The following ROBO1 variants were observed in gnomAD, a reference collection of about 807,000 sequenced individuals.
ROBO1 encodes roundabout guidance receptor 1, also known as roundabout homolog 1.
A neutral mutation model predicts 195.9 loss-of-function variants in ROBO1; 149 were observed. The ratio of observed to expected loss-of-function variants is 0.76; its 90% confidence interval spans 0.67 to 0.87. The LOEUF (loss-of-function observed/expected upper bound fraction) is 0.87. Ranked by LOEUF, ROBO1 falls within the 40% of genes least tolerant of loss-of-function variation. The pLI is 0.00. For synonymous variants in ROBO1, 816 were observed against 733.2 expected, an observed-to-expected ratio of 1.11 and a Z score of -1.82; for missense variants, 1,933 against 2,068.3, an observed-to-expected ratio of 0.93 and a Z score of 1.27.
chr3:78,847,984 CCTT>C (rs2033780567), intron 4 of ROBO1, among the ~76,000 whole-genome samples: 1 of 152,058 alleles, frequency 6.6e-6, no homozygotes, highest in Non-Finnish European at 1.5e-5. Flanking sequence ...AACTAATAAT[CCTT>C]CTGACTTTTT....
Position 79,247,129 on chromosome 3 carries a change from G to GTTTTT in ROBO1, c.89-121595_89-121591dup, listed in dbSNP as rs575917340. Among the ~76,000 whole-genome samples, 108 of 134,800 alleles carry GTTTTT rather than the reference G, an allele frequency of 8.0e-4. 3 individuals are homozygous for GTTTTT. The highest frequency in any genetic ancestry group is 2.8e-3 in the African/African-American group (103 of 36,154). The allele number at this position is 134,800 out of a possible 152,430, so 88.4% of individuals were successfully genotyped here. On this transcript the variant is annotated intron_variant, in intron 2 of 30. Coordinates refer to ENST00000464233, the MANE Select transcript of ROBO1 (RefSeq NM_002941.4). ...AAAAGCATTAAGGCTCCTGTTTACT[G>GTTTTT]TTTTTTTTTTTTTGTAAGAAGTATA...
intron 2 of ROBO1, among the ~76,000 whole-genome samples, chr3:79,545,189 A>C (rs1942220087): frequency 6.6e-6 from 1 of 152,202 alleles, no homozygotes; most frequent in Non-Finnish European, 1.5e-5. Flanking sequence ...ATGTGGACAC[A>C]TCGTGAATTC....
At chr3:79,459,230 T>C (rs2039720297) in intron 2 of ROBO1, among the ~76,000 whole-genome samples, 1 of 152,138 alleles carries the variant, frequency 6.6e-6, no homozygotes, top group South Asian at 2.1e-4. Flanking sequence ...CATTTTGTGG[T>C]TGCTTAATAT....
At chr3:78,690,703 T>G (rs2081153492) in intron 8 of ROBO1, among the ~76,000 whole-genome samples, 1 of 152,102 alleles carries the variant, frequency 6.6e-6, no homozygotes, top group African/African-American at 2.4e-5. Flanking sequence ...TTTGCTTCAG[T>G]GAAAGAAATC....
At chr3:79,411,691 A>G (rs1447621753) in intron 2 of ROBO1, among the ~76,000 whole-genome samples, 1 of 152,194 alleles carries the variant, frequency 6.6e-6, no homozygotes, top group Non-Finnish European at 1.5e-5. Flanking sequence ...AAAAAGCCAA[A>G]CAAAACTCTT....
intron 4 of ROBO1, among the ~76,000 whole-genome samples, chr3:78,834,117 C>T (rs1460847917): frequency 6.6e-6 from 1 of 151,856 alleles, no homozygotes; most frequent in East Asian, 1.9e-4. Context: ...AAGAGAAGGA[C>T]AACAGTGAAT....
At chr3:79,538,127 C>T (rs1941941103) in intron 2 of ROBO1, among the ~76,000 whole-genome samples, 1 of 151,954 alleles carries the variant, frequency 6.6e-6, no homozygotes, top group Admixed American at 6.6e-5. Context: ...AATAATAGCC[C>T]GACATTACAT....
chr3:79,045,594 A>G (rs1559617478), intron 3 of ROBO1, among the ~76,000 whole-genome samples: 1 of 152,150 alleles, frequency 6.6e-6, no homozygotes, highest in South Asian at 2.1e-4. Flanking sequence ...ATTGTTTAAA[A>G]TTCTATACTT....
rs76585209 is a variant in ROBO1 at position 79,114,503 on chromosome 3, A to G, written c.172+10953T>C. Among the ~76,000 whole-genome samples, 103 of 152,284 alleles carry G rather than the reference A, an allele frequency of 6.8e-4. No homozygotes were observed. The East Asian group carries it at 0.014, about 21-fold the overall frequency. ...TGGGATGTTGATTATCTCTGTCCCC[A>G]GCTTATCATCCTGGTCAGCTTTTTT... is the stretch of plus-strand genomic sequence containing the variant. On this transcript the variant is annotated intron_variant, in intron 3 of 30. Transcript: ENST00000464233.
intron 3 of ROBO1, among the ~76,000 whole-genome samples, chr3:79,068,337 A>G (rs1332808005): frequency 6.6e-6 from 1 of 151,866 alleles, no homozygotes; most frequent in Non-Finnish European, 1.5e-5. Context: ...GCAGAAACAT[A>G]GGGTTTTTAC....
intron 1 of ROBO1, among the ~76,000 whole-genome samples, chr3:79,765,744 A>G (rs1704950615): frequency 6.6e-6 from 1 of 152,184 alleles, no homozygotes. Flanking sequence ...GTCTTCCCCC[A>G]GGTGCTCAAT....
At chr3:79,240,202 C>G (rs993285672) in intron 2 of ROBO1, among the ~76,000 whole-genome samples, 1 of 151,914 alleles carries the variant, frequency 6.6e-6, no homozygotes, top group African/African-American at 2.4e-5. Flanking sequence ...TTTTAGATTC[C>G]ACATAAAAGT....
chr3:79,465,295 T>C (rs1338706869), intron 2 of ROBO1, among the ~76,000 whole-genome samples: 1 of 152,194 alleles, frequency 6.6e-6, no homozygotes, highest in Non-Finnish European at 1.5e-5. Flanking sequence ...GGTGGATCTC[T>C]AAACTGTCTC....
chr3:79,502,608 C>T (rs1373787260), intron 2 of ROBO1, among the ~76,000 whole-genome samples: 2 of 152,194 alleles, frequency 1.3e-5, no homozygotes, highest in Non-Finnish European at 1.5e-5. Flanking sequence ...GGAGTGCAGG[C>T]GCACAGCGCG....
intron 2 of ROBO1, among the ~76,000 whole-genome samples, chr3:79,251,123 A>G (rs988519775): frequency 5.0e-4 from 76 of 152,228 alleles, no homozygotes; most frequent in Non-Finnish European, 3.8e-4. Context: ...TCTGTTTCGA[A>G]TATGTATACC....
At chr3:79,464,549 T>C (rs1362648154) in intron 2 of ROBO1, among the ~76,000 whole-genome samples, 1 of 152,250 alleles carries the variant, frequency 6.6e-6, no homozygotes, top group Non-Finnish European at 1.5e-5. Flanking sequence ...TCAGCCATTG[T>C]GTATCTTCTT....
chr3:78,991,170 A>G lies in ROBO1; in HGVS notation c.173-52243T>C, dbSNP rs564060841. On this transcript the variant is annotated intron_variant, in intron 3 of 30. Coordinates refer to ENST00000464233, the MANE Select transcript of ROBO1 (RefSeq NM_002941.4). ...CTCCTCTATTTCTGAAAACCCACTG[A>G]AATAAATGTGCAAAGGTACTAAAGG... 3.3e-5 allele frequency among the ~76,000 whole-genome samples: 5 copies of G among 152,300 alleles called. No individual in the cohort carries two copies. The South Asian group carries it at 1.0e-3, about 32-fold the overall frequency.
At chr3:79,342,713 AAAT>A (rs2034956907) in intron 2 of ROBO1, among the ~76,000 whole-genome samples, 2 of 152,292 alleles carry the variant, frequency 1.3e-5, no homozygotes, top group South Asian at 4.1e-4. Flanking sequence ...GGCTCGGGAA[AAAT>A]AATGGAATGA....
At chr3:79,551,669 G>A (rs114846788) in intron 2 of ROBO1, among the ~76,000 whole-genome samples, 197 of 152,100 alleles carry the variant, frequency 1.3e-3, no homozygotes, top group African/African-American at 4.5e-3. Flanking sequence ...TATCCTTGAT[G>A]TATCTAGCAA....
Sources: gnomAD v4.1 joint callset for allele counts (sites outside exome capture counted in the v4.1 genomes callset) on GRCh38, gnomAD v4.1.1 for gene constraint, MANE v1.5 for transcripts, NCBI Gene and HGNC (gene_info 2026-07-23, HGNC 2026-07-21) for gene names.